Variants in DDX10 observed in about 807,000 individuals in gnomAD.
The protein encoded by DDX10 is DEAD-box helicase 10.
A neutral mutation model predicts 104.3 loss-of-function variants in DDX10; 74 were observed. That is an observed-to-expected ratio of 0.71 (90% CI 0.59 to 0.86). The LOEUF is 0.86. Ranked by LOEUF, DDX10 falls within the 40% of genes least tolerant of loss-of-function variation. DDX10 has a pLI of 0.00. For synonymous variants in DDX10, 351 were observed against 353.4 expected, an observed-to-expected ratio of 0.99 and a Z score of 0.08; for missense variants, 952 against 1,040.0, an observed-to-expected ratio of 0.92 and a Z score of 1.16.
Position 108,665,328 on chromosome 11 carries a change from A to G in DDX10, c.175A>G (p.Asn59Asp). ...CGAGAGTATCAGCCGCCTCATGCAGAACTATGAAAAGGTGAGGCCGGCGCT... is the reference window on the plus strand; with the variant it reads ...CGAGAGTATCAGCCGCCTCATGCAGGACTATGAAAAGGTGAGGCCGGCGCT... ...ERESISRLMQ[N>D]YEKINVNEIT... The change falls in exon 1 of 18, where the codon AAC becomes GAC. Residue 59 changes from asparagine to aspartate, a missense_variant. Coordinates refer to ENST00000322536, the MANE Select transcript of DDX10 (RefSeq NM_004398.4). The G allele has an allele frequency of 1.3e-6, 2 of 1,589,298 alleles. No individual in the cohort carries two copies. Among genetic ancestry groups the G allele is most frequent in the Non-Finnish European group, 1.7e-6 (2 of 1,169,144 alleles).
chr11:108,800,667 A>G (rs1341601913), intron 13 of DDX10, among the ~76,000 whole-genome samples: 1 of 152,156 alleles, frequency 6.6e-6, no homozygotes, highest in East Asian at 1.9e-4. Flanking sequence ...TTGACAATCA[A>G]TATGGGAAAC....
chr11:108,668,098 G>T lies in DDX10; in HGVS notation c.186+2759G>T, dbSNP rs548088490. On this transcript the variant is annotated intron_variant, in intron 1 of 17. Transcript: ENST00000322536. ...GGCTTTGCTCTGGTTGGCAGCATTG[G>T]ATTATTCTTTTTTGTTTCTTGTAAT... 4.6e-5 allele frequency among the ~76,000 whole-genome samples: 7 copies of T among 152,292 alleles called. 1 individual carries two copies. The South Asian group carries it at 1.2e-3, about 27-fold the overall frequency.
At position 108,870,972 on chromosome 11, in the gene DDX10, A is replaced by G. The variant is rs80175398; in HGVS notation, c.2304+18763A>G. 2.0e-5 allele frequency among the ~76,000 whole-genome samples: 3 copies of G among 152,206 alleles called. No individual in the cohort carries two copies. In the East Asian group the frequency reaches 5.8e-4, roughly 29 times the overall value. On this transcript the variant is annotated intron_variant, in intron 16 of 17. Coordinates refer to ENST00000322536, the MANE Select transcript of DDX10 (RefSeq NM_004398.4). ...ATTGAAGAATTATAGCATATTGTTT[A>G]TTGAAAGGCATAATAACTCTAGGGA...
intron 16 of DDX10, among the ~76,000 whole-genome samples, chr11:108,886,998 C>T (rs886704946): frequency 1.1e-4 from 17 of 152,134 alleles, no homozygotes; most frequent in Admixed American, 9.8e-4. Context: ...TAGTCACCAT[C>T]CTTCTCTATT....
chr11:108,850,045 A>G (rs925478443), intron 15 of DDX10, among the ~76,000 whole-genome samples: 1 of 152,112 alleles, frequency 6.6e-6, no homozygotes, highest in Admixed American at 6.6e-5. Flanking sequence ...TTTTCAGATA[A>G]GAAAGAAACG....
intron 16 of DDX10, among the ~76,000 whole-genome samples, chr11:108,897,563 A>T (rs1484217477): frequency 2.0e-5 from 3 of 152,102 alleles, no homozygotes; most frequent in Admixed American, 2.0e-4. Context: ...CCAAGGTGAG[A>T]GTGTGGAATT....
chr11:108,715,806 A>C, intron 10 of DDX10, 73 bp from the exon 11 acceptor site: 1 of 750,158 alleles, frequency 1.3e-6, no homozygotes, highest in South Asian at 1.6e-5. Flanking sequence ...GGAAAATAGG[A>C]AAATGCTGCT....
chr11:108,830,465 C>T (rs758233772), intron 13 of DDX10, among the ~76,000 whole-genome samples: 32 of 152,090 alleles, frequency 2.1e-4, no homozygotes, highest in Non-Finnish European at 4.3e-4. Context: ...TTAGTGTTTT[C>T]TAGTTATACA....
intron 13 of DDX10, among the ~76,000 whole-genome samples, chr11:108,731,516 CTT>C (rs34825787): frequency 7.7e-5 from 11 of 142,790 alleles, no homozygotes; most frequent in Non-Finnish European, 7.7e-5. Context: ...AATTGGGTTT[CTT>C]TTTTTTTTTT....
At chr11:108,704,774 T>C (rs1056901300) in intron 9 of DDX10, among the ~76,000 whole-genome samples, 1 of 152,184 alleles carries the variant, frequency 6.6e-6, no homozygotes, top group Non-Finnish European at 1.5e-5. Context: ...AGATAATTGG[T>C]GAAAGTAGTA....
At chr11:108,806,271 T>C (rs926351111) in intron 13 of DDX10, among the ~76,000 whole-genome samples, 1 of 152,184 alleles carries the variant, frequency 6.6e-6, no homozygotes, top group Non-Finnish European at 1.5e-5. Flanking sequence ...CCTAAACTTT[T>C]CTATTAAGAG....
intron 13 of DDX10, among the ~76,000 whole-genome samples, chr11:108,791,804 A>G (rs2134548810): frequency 6.6e-6 from 1 of 152,166 alleles, no homozygotes; most frequent in East Asian, 1.9e-4. Flanking sequence ...AGTAAATGCT[A>G]TAGGAGTGGG....
chr11:108,916,032 A>G (rs1017619100), intron 16 of DDX10, among the ~76,000 whole-genome samples: 1 of 151,586 alleles, frequency 6.6e-6, no homozygotes, highest in African/African-American at 2.4e-5. Flanking sequence ...AGTATATTAA[A>G]TGAATAAATA....
chr11:108,902,709 A>G (rs1288941661), intron 16 of DDX10, among the ~76,000 whole-genome samples: 1 of 151,994 alleles, frequency 6.6e-6, no homozygotes, highest in African/African-American at 2.4e-5. Context: ...GAATGTATTG[A>G]GTCTTTGCTT....
intron 3 of DDX10, among the ~76,000 whole-genome samples, chr11:108,676,548 C>T (rs962499244): frequency 6.6e-6 from 1 of 152,072 alleles, no homozygotes; most frequent in Non-Finnish European, 1.5e-5. Context: ...CAGGTTCAAG[C>T]GATTCTTTCT....
At chr11:108,742,038 C>A (rs531933912) in intron 13 of DDX10, among the ~76,000 whole-genome samples, 1 of 151,984 alleles carries the variant, frequency 6.6e-6, no homozygotes, top group Non-Finnish European at 1.5e-5. Context: ...GTGGGTGGAT[C>A]GCCTGAGATC....
chr11:108,901,432 C>T (rs1283759475), intron 16 of DDX10, among the ~76,000 whole-genome samples: 4 of 152,160 alleles, frequency 2.6e-5, no homozygotes, highest in Admixed American at 2.0e-4. Flanking sequence ...GTGTAGCTAA[C>T]TTTTCATTAT....
At chr11:108,690,740 G>T in intron 7 of DDX10, 1 of 220,024 alleles carries the variant, frequency 4.5e-6, no homozygotes, top group Non-Finnish European at 9.1e-6. Flanking sequence ...AAGGACCTCA[G>T]ACTCCTTGAT....
intron 16 of DDX10, among the ~76,000 whole-genome samples, chr11:108,888,428 C>A (rs1171035760): frequency 6.6e-6 from 1 of 152,120 alleles, no homozygotes; most frequent in Non-Finnish European, 1.5e-5. Context: ...TATACAGAAG[C>A]CCAATGATGA....
Sources: gnomAD v4.1 joint callset for allele counts (sites outside exome capture counted in the v4.1 genomes callset) on GRCh38, gnomAD v4.1.1 for gene constraint, MANE v1.5 for transcripts, NCBI Gene and HGNC (gene_info 2026-07-23, HGNC 2026-07-21) for gene names.